The following HAVCR2 variants were observed in gnomAD, a reference collection of about 807,000 sequenced individuals.
HAVCR2 encodes hepatitis A virus cellular receptor 2, also known as T cell immunoglobulin mucin 3.
Under a neutral mutation model 24.7 loss-of-function variants are expected in HAVCR2, and 13 were observed. The ratio of observed to expected loss-of-function variants is 0.53; its 90% confidence interval spans 0.34 to 0.84. The LOEUF (loss-of-function observed/expected upper bound fraction) is 0.84, where lower values mean the gene tolerates loss of function less well. Among genes scored for constraint, HAVCR2 ranks in the 40% least tolerant of loss-of-function variants. HAVCR2 has a pLI of 0.01. For missense variants in HAVCR2, 343 were observed against 371.2 expected (o/e 0.92, Z 0.62); for synonymous variants, 154 against 143.4 (o/e 1.07, Z -0.53).
At chr5:157,107,187 A>G (rs1359893304) in intron 1 of HAVCR2, 1 of 530,782 alleles carries the variant, frequency 1.9e-6, no homozygotes, top group Non-Finnish European at 3.4e-6. Flanking sequence ...AGAGTTCCTG[A>G]CTCAGTTGGC....
chr5:157,102,790 C>T (rs963424645), intron 3 of HAVCR2, among the ~76,000 whole-genome samples: 3 of 151,942 alleles, frequency 2.0e-5, no homozygotes, highest in Admixed American at 1.3e-4. Flanking sequence ...CAAAAATTAG[C>T]GGGGCGTGGT....
At chr5:157,091,288 A>G (rs1250030781) in intron 5 of HAVCR2, among the ~76,000 whole-genome samples, 1 of 152,166 alleles carries the variant, frequency 6.6e-6, no homozygotes, top group East Asian at 1.9e-4. Flanking sequence ...TCTACTAAAA[A>G]TACAAAATTA....
At chr5:157,098,572 A>G (rs906481265) in intron 4 of HAVCR2, among the ~76,000 whole-genome samples, 1 of 152,174 alleles carries the variant, frequency 6.6e-6, no homozygotes, top group African/African-American at 2.4e-5. Flanking sequence ...CAGGGTAGAC[A>G]GTTGTGAAAT....
chr5:157,100,719 C>T lies in HAVCR2; in HGVS notation c.479-1818G>A, dbSNP rs570083958. Among the ~76,000 whole-genome samples the T allele has an allele frequency of 2.0e-5, 3 of 152,266 alleles. No individual in the cohort carries two copies. The East Asian group carries it at 5.8e-4, about 29-fold the overall frequency. On this transcript the variant is annotated intron_variant, in intron 3 of 6. Coordinates refer to ENST00000307851, the MANE Select transcript of HAVCR2 (RefSeq NM_032782.5). ...AACTATAGTTTAAATATTATAAAGG[C>T]ATAGCCTCAGCCTAAAATTATTGAA... is the stretch of plus-strand genomic sequence containing the variant.
chr5:157,108,620 C>T (rs956417852), intron 1 of HAVCR2, among the ~76,000 whole-genome samples: 1 of 152,124 alleles, frequency 6.6e-6, no homozygotes, highest in Non-Finnish European at 1.5e-5. Context: ...AAGAAATGTC[C>T]ACATATTCCT....
chr5:157,095,308 T>C lies in HAVCR2; in HGVS notation c.674A>G (p.Lys225Arg), dbSNP rs1181384911. The change falls in exon 5 of 7, where the codon AAA becomes AGA. Residue 225 changes from lysine (K) to arginine (R), a missense_variant and splice_region_variant. Coordinates refer to ENST00000307851, the MANE Select transcript of HAVCR2 (RefSeq NM_032782.5). ...GAGAGAGAAACAAAAACACTTACAT[T>C]TGAAAATTAAAGCGCCGAAGATAAG... ...LALIFGALIFKWYSHSKEKIQ... is the reference protein window; with the variant it reads ...LALIFGALIFRWYSHSKEKIQ... 1 of 1,613,336 alleles carries C rather than the reference T, an allele frequency of 6.2e-7. No individual in the cohort carries two copies. The highest frequency in any genetic ancestry group is 1.1e-5 in the South Asian group (1 of 90,984).
chr5:157,095,505 G>T, intron 4 of HAVCR2, 46 bp from the exon 5 acceptor site: 1 of 1,606,510 alleles, frequency 6.2e-7, no homozygotes, highest in Non-Finnish European at 8.5e-7. Context: ...GCTAGAAATC[G>T]CTTGTGTAAT....
At chr5:157,087,851 C>T (rs1289389557) in intron 6 of HAVCR2, among the ~76,000 whole-genome samples, 3 of 145,716 alleles carry the variant, frequency 2.1e-5, no homozygotes, top group Admixed American at 7.1e-5. Context: ...TATAGTGAGC[C>T]GAGGTTGTGC....
intron 3 of HAVCR2, among the ~76,000 whole-genome samples, 196 bp from the exon 4 acceptor site, chr5:157,099,097 G>A (rs952375429): frequency 1.3e-5 from 2 of 152,114 alleles, no homozygotes; most frequent in African/African-American, 4.8e-5. Context: ...ATCAACTTTA[G>A]GATGGCCACA....
chr5:157,091,143 T>C (rs571678308), intron 5 of HAVCR2, among the ~76,000 whole-genome samples: 7 of 152,124 alleles, frequency 4.6e-5, no homozygotes, highest in Non-Finnish European at 5.9e-5. Context: ...AGGTTGACTA[T>C]AATAAAGATA....
intron 3 of HAVCR2, among the ~76,000 whole-genome samples, chr5:157,104,058 G>T (rs1757210519): frequency 6.6e-6 from 1 of 151,620 alleles, no homozygotes; most frequent in African/African-American, 2.4e-5. Flanking sequence ...AAAAAAAATG[G>T]AGCTCCAGAG....
chr5:157,095,504 C>A (rs777383129), intron 4 of HAVCR2, 45 bp from the exon 5 acceptor site: 3 of 1,608,710 alleles, frequency 1.9e-6, no homozygotes, highest in Admixed American at 3.3e-5. Context: ...AGCTAGAAAT[C>A]GCTTGTGTAA....
intron 6 of HAVCR2, 140 bp from the exon 7 acceptor site, chr5:157,087,434 C>A: frequency 2.1e-6 from 1 of 485,100 alleles, no homozygotes; most frequent in South Asian, 4.2e-5. Flanking sequence ...AGTGGAAAAG[C>A]CAAGAAATAG....
At position 157,087,096 on chromosome 5, in the gene HAVCR2, T is replaced by C; in HGVS notation, c.*6A>G. 1.2e-6 allele frequency: 2 copies of C among 1,609,846 alleles called. No homozygotes were observed. The highest frequency in any genetic ancestry group is 1.7e-6 in the Non-Finnish European group (2 of 1,178,906). ...AACACCAAGCTCAAAAATAAGGTGG[T>C]TGGATCTATGGCATTGCAAAGCGAC... On this transcript the variant is annotated 3_prime_UTR_variant, in exon 7 of 7. Coordinates refer to ENST00000307851, the MANE Select transcript of HAVCR2 (RefSeq NM_032782.5).
chr5:157,095,414 T>C lies in HAVCR2; in HGVS notation c.568A>G (p.Asn190Asp), dbSNP rs1299526455. 2.5e-6 allele frequency: 4 copies of C among 1,613,912 alleles called. No homozygotes were observed. In the African/African-American group the frequency reaches 5.3e-5, roughly 22 times the overall value. Residue 190 changes from asparagine to aspartate, a missense_variant, in exon 5 of 7, where the codon AAT becomes GAT. Transcript: ENST00000307851. ...ANELRDSRLA[N>D]DLRDSGATIR... Reference sequence around the variant, plus strand: ...GTTGCTCCAGAGTCCCGTAAGTCATTGGCCAATCTAGAGTCCCGTAACTCA... The same window carrying C: ...GTTGCTCCAGAGTCCCGTAAGTCATCGGCCAATCTAGAGTCCCGTAACTCA...
At chr5:157,106,346 G>A in intron 2 of HAVCR2, 2 of 377,938 alleles carry the variant, frequency 5.3e-6, no homozygotes, top group South Asian at 7.3e-5. Flanking sequence ...TGGCCAGGCT[G>A]GTCTCGAATT....
At chr5:157,092,021 G>A (rs1486914848) in intron 5 of HAVCR2, among the ~76,000 whole-genome samples, 1 of 151,972 alleles carries the variant, frequency 6.6e-6, no homozygotes, top group African/African-American at 2.4e-5. Flanking sequence ...CTTCTCAGTA[G>A]CCATGTTTTT....
At chr5:157,101,139 A>C (rs1466745553) in intron 3 of HAVCR2, among the ~76,000 whole-genome samples, 1 of 152,192 alleles carries the variant, frequency 6.6e-6, no homozygotes, top group Non-Finnish European at 1.5e-5. Context: ...TGCTAAGTAA[A>C]CATGAATCTT....
chr5:157,086,164 G>A lies in HAVCR2; in HGVS notation c.*938C>T, dbSNP rs1202951030. 1 of 152,244 alleles carries A rather than the reference G, an allele frequency of 6.6e-6. No homozygotes were observed. The highest frequency in any genetic ancestry group is 1.5e-5 in the Non-Finnish European group (1 of 68,084). 9.4% of individuals were successfully genotyped at this position (152,244 alleles called of 1,614,324 possible). A position where few individuals can be genotyped will look rare whatever the true frequency, so the allele number is the denominator to read the frequency against. On this transcript the variant is annotated 3_prime_UTR_variant, in exon 7 of 7. Transcript: ENST00000307851. ...CTTGGCCAATACACACCAATCAAAT[G>A]CACTTCGTTTTTCCCTGGGAGCTCC...
Sources: allele counts gnomAD v4.1 joint callset (sites outside exome capture counted in the v4.1 genomes callset), GRCh38; gene constraint gnomAD v4.1.1; transcripts MANE v1.5; gene names NCBI Gene and HGNC (gene_info 2026-07-23, HGNC 2026-07-21).